The following SLC2A9 variants were observed in gnomAD, a reference collection of about 807,000 sequenced individuals.
SLC2A9 encodes solute carrier family 2 member 9, also known as solute carrier family 2, facilitated glucose transporter member 9.
Under a neutral mutation model 50.6 loss-of-function variants are expected in SLC2A9, and 39 were observed. That is an observed-to-expected ratio of 0.77 (90% CI 0.60 to 1.01). The LOEUF (loss-of-function observed/expected upper bound fraction) is 1.01, where lower values mean the gene tolerates loss of function less well. Among genes scored for constraint, SLC2A9 ranks in the 50% least tolerant of loss-of-function variants. SLC2A9 has a pLI of 0.00. For synonymous variants in SLC2A9, 324 were observed against 276.9 expected (o/e 1.17, Z -1.69); for missense variants, 686 against 677.6 (o/e 1.01, Z -0.14).
At chr4:9,782,792 C>G (rs760419966) in intron 3 of SLC2A9, 1 of 1,613,926 alleles carries the variant, frequency 6.2e-7, no homozygotes, top group Admixed American at 1.7e-5. Flanking sequence ...CGCCCAGGTG[C>G]AGATCCGCAG....
In SLC2A9 at chr4:9,880,455, T is replaced by C. The variant is rs1735012621; in HGVS notation, c.1291+7112A>G. On this transcript the variant is annotated intron_variant, in intron 10 of 11. Transcript: ENST00000264784. ...AGCCCAGCATTTAAAGCCCTGGAAA[T>C]GCAGCATGTTCTACAGTCAAAAGAA... is the stretch of plus-strand genomic sequence containing the variant. 3 of 985,052 alleles carry C rather than the reference T, an allele frequency of 3.0e-6. No homozygotes were observed. In the African/African-American group the frequency reaches 5.3e-5, roughly 17 times the overall value. The allele number at this position is 985,052 out of a possible 1,614,324, so 61.0% of individuals were successfully genotyped here.
intron 3 of SLC2A9, among the ~76,000 whole-genome samples, chr4:9,989,410 TTC>T (rs1006964559): frequency 1.4e-4 from 21 of 152,188 alleles, no homozygotes; most frequent in African/African-American, 4.8e-4. Context: ...TTCATATGTT[TTC>T]TCTCTCTCTT....
chr4:9,807,693 C>T (rs529543196), intron 3 of SLC2A9, among the ~76,000 whole-genome samples: 44 of 152,198 alleles, frequency 2.9e-4, no homozygotes, highest in Non-Finnish European at 4.9e-4. Context: ...TTGAGATACA[C>T]GGGCCAGGTT....
chr4:9,902,433 A>C (rs887644893), intron 8 of SLC2A9, among the ~76,000 whole-genome samples: 1 of 152,158 alleles, frequency 6.6e-6, no homozygotes, highest in Non-Finnish European at 1.5e-5. Flanking sequence ...GGCATTTTCC[A>C]TGTCTGCTTC....
chr4:9,890,599 C>G lies in SLC2A9; in HGVS notation c.1215+11G>C, dbSNP rs369369777. 5.6e-6 allele frequency: 9 copies of G among 1,613,572 alleles called. No homozygotes were observed. In the South Asian group the frequency reaches 8.8e-5, roughly 16 times the overall value. Reference sequence around the variant, plus strand: ...TTATCTCCCTCAAATGTGACAAGAACATCGTCTCACCTGCAGGGTCAGCGT... The same window carrying G: ...TTATCTCCCTCAAATGTGACAAGAAGATCGTCTCACCTGCAGGGTCAGCGT... On this transcript the variant is annotated intron_variant, in intron 9 of 11. Transcript: ENST00000264784.
intron 10 of SLC2A9, among the ~76,000 whole-genome samples, chr4:9,857,904 T>C (rs1730981292): frequency 6.6e-6 from 1 of 152,196 alleles, no homozygotes; most frequent in African/African-American, 2.4e-5. Context: ...TACTCTGGCA[T>C]GCCCTTTACT....
intron 2 of SLC2A9, among the ~76,000 whole-genome samples, chr4:10,010,233 G>A (rs1761533868): frequency 1.3e-5 from 2 of 152,212 alleles, no homozygotes; most frequent in Admixed American, 1.3e-4. Flanking sequence ...GCTTGGGTGA[G>A]CTTCCCTGGT....
intron 8 of SLC2A9, among the ~76,000 whole-genome samples, chr4:9,892,703 C>T (rs1422103840): frequency 6.6e-6 from 1 of 152,186 alleles, no homozygotes; most frequent in East Asian, 1.9e-4. Flanking sequence ...AAGAGGTTGC[C>T]AATAAATGGC....
chr4:10,029,988 T>C (rs1171946060), intron 1 of SLC2A9, among the ~76,000 whole-genome samples: 1 of 152,080 alleles, frequency 6.6e-6, no homozygotes, highest in East Asian at 1.9e-4. Flanking sequence ...TGTGGTGCTG[T>C]TTAAAGTAAT....
chr4:10,001,334 G>C (rs1272184814), intron 2 of SLC2A9, among the ~76,000 whole-genome samples: 1 of 152,188 alleles, frequency 6.6e-6, no homozygotes, highest in Non-Finnish European at 1.5e-5. Context: ...TGTGGAGATA[G>C]ACAGGCACAG....
At chr4:9,996,687 A>C in intron 3 of SLC2A9, 94 bp downstream of exon 3, 1 of 1,455,298 alleles carries the variant, frequency 6.9e-7, no homozygotes, top group Non-Finnish European at 9.5e-7. Context: ...GAACTGCCTG[A>C]GTGGAGTTCT....
chr4:9,952,000 G>A (rs1750369299), intron 5 of SLC2A9, among the ~76,000 whole-genome samples: 1 of 152,222 alleles, frequency 6.6e-6, no homozygotes, highest in Non-Finnish European at 1.5e-5. Context: ...GACTCCCAAT[G>A]CCACAGAAGC....
At chr4:9,951,290 T>A (rs1750210448) in intron 5 of SLC2A9, among the ~76,000 whole-genome samples, 1 of 149,556 alleles carries the variant, frequency 6.7e-6, no homozygotes, top group Non-Finnish European at 1.5e-5. Flanking sequence ...AGCTAAAAAA[T>A]TTGATCATAT....
chr4:9,812,558 C>G (rs1723030766), intron 3 of SLC2A9, among the ~76,000 whole-genome samples: 1 of 151,680 alleles, frequency 6.6e-6, no homozygotes, highest in Admixed American at 6.6e-5. Context: ...GCTCTCATCA[C>G]TAAAAATATC....
chr4:9,986,874 G>C (rs2109161367), intron 3 of SLC2A9, among the ~76,000 whole-genome samples: 2 of 152,270 alleles, frequency 1.3e-5, no homozygotes, highest in South Asian at 4.1e-4. Context: ...TCCTGCACCA[G>C]CTCTATCCTT....
chr4:9,986,097 C>T (rs1161386621), intron 3 of SLC2A9, among the ~76,000 whole-genome samples: 2 of 152,194 alleles, frequency 1.3e-5, no homozygotes, highest in Admixed American at 6.5e-5. Flanking sequence ...TCTTACAATT[C>T]GTGAGTCAGG....
At chr4:9,840,866 C>T (rs1032492990) in intron 10 of SLC2A9, among the ~76,000 whole-genome samples, 13 of 152,104 alleles carry the variant, frequency 8.5e-5, no homozygotes, top group Non-Finnish European at 1.9e-4. Flanking sequence ...AACTTACAAT[C>T]GTGGAGGAAG....
At chr4:9,839,676 G>A (rs767203787) in intron 10 of SLC2A9, among the ~76,000 whole-genome samples, 28 of 152,136 alleles carry the variant, frequency 1.8e-4, no homozygotes. Context: ...GTCCTTTGCA[G>A]GGACATGGAT....
At chr4:9,805,721 AG>A (rs1722038119) in intron 3 of SLC2A9, among the ~76,000 whole-genome samples, 1 of 149,050 alleles carries the variant, frequency 6.7e-6, no homozygotes, top group Non-Finnish European at 1.5e-5. Context: ...AAAAAAAAAA[AG>A]CCCCCTTTGA....
Sources: allele counts gnomAD v4.1 joint callset (sites outside exome capture counted in the v4.1 genomes callset), GRCh38; gene constraint gnomAD v4.1.1; transcripts MANE v1.5; gene names NCBI Gene and HGNC (gene_info 2026-07-23, HGNC 2026-07-21).